SERINC1: variants seen among roughly 807,000 people sequenced by gnomAD.
SERINC1 encodes the protein tumor differentially expressed protein 2.
A neutral mutation model predicts 52.9 loss-of-function variants in SERINC1; 38 were observed. The observed-to-expected ratio is 0.72, with a 90% CI of 0.55 to 0.94. The LOEUF (loss-of-function observed/expected upper bound fraction) is 0.94, where lower values mean the gene tolerates loss of function less well. Ranked by LOEUF, SERINC1 falls within the 40% of genes least tolerant of loss-of-function variation. The pLI is 0.00. For missense variants in SERINC1, 471 were observed against 533.9 expected (o/e 0.88, Z 1.16); for synonymous variants, 198 against 183.1 (o/e 1.08, Z -0.66).
chr6:122,447,791 C>T (rs904289576), intron 7 of SERINC1, among the ~76,000 whole-genome samples: 7 of 152,166 alleles, frequency 4.6e-5, no homozygotes, highest in African/African-American at 1.7e-4. Context: ...GTATAATGAC[C>T]TACTGCTTAC....
At chr6:122,466,180 G>A (rs533323979) in intron 1 of SERINC1, among the ~76,000 whole-genome samples, 10 of 152,130 alleles carry the variant, frequency 6.6e-5, no homozygotes, top group Non-Finnish European at 1.3e-4. Flanking sequence ...CTTGGGAGGC[G>A]GAAGTTTCAG....
Position 122,458,570 on chromosome 6 carries a change from A to G in SERINC1, c.151T>C (p.Cys51Arg). ...GGTATCAACATTACACAAGCTACAC[A>G]TACTCCAACAAGCAAGAAAAGTGCA... ...IYALFLLVGV[C>R]VACVMLIPGM... The change falls in exon 2 of 10, where the codon TGT becomes CGT. Residue 51 changes from cysteine (C) to arginine (R), a missense_variant. Cys to Arg is a radical substitution (Grantham distance 180, BLOSUM62 -3). Coordinates refer to ENST00000339697, the MANE Select transcript of SERINC1 (RefSeq NM_020755.4). 1 of 1,613,486 alleles carries G rather than the reference A, an allele frequency of 6.2e-7. No homozygotes were observed. The highest frequency in any genetic ancestry group is 8.5e-7 in the Non-Finnish European group (1 of 1,179,492).
intron 1 of SERINC1, among the ~76,000 whole-genome samples, chr6:122,463,502 A>G (rs1444126063): frequency 6.6e-6 from 1 of 152,210 alleles, no homozygotes; most frequent in Non-Finnish European, 1.5e-5. Flanking sequence ...CTAAAAACTC[A>G]GTGATAAGAA....
At chr6:122,454,328 T>C in intron 3 of SERINC1, 98 bp from the exon 4 acceptor site, 2 of 658,322 alleles carry the variant, frequency 3.0e-6, no homozygotes, top group South Asian at 2.0e-5. Context: ...TAGCTACACT[T>C]TATGTGAATG....
rs750920534 is a variant in SERINC1, at chr6:122,451,758, C to CAA, written c.760-6_760-5dup. The CAA allele has an allele frequency of 4.4e-3, 388 of 87,894 alleles. No individual in the cohort carries two copies. Among genetic ancestry groups the CAA allele is most frequent in the East Asian group, 0.019 (71 of 3,648 alleles). The allele number at this position is 87,894 out of a possible 1,614,324, so 5.4% of individuals were successfully genotyped here. Reference sequence around the variant, plus strand: ...AACCAGATCTTGGTTGTGATTCCTACAAAAAAAAAAAAAAAAAAATATATA... The same window carrying CAA: ...AACCAGATCTTGGTTGTGATTCCTACAAAAAAAAAAAAAAAAAAAAATATATA... On this transcript the variant is annotated splice_region_variant and splice_polypyrimidine_tract_variant and intron_variant, in intron 6 of 9. Coordinates refer to ENST00000339697, the MANE Select transcript of SERINC1 (RefSeq NM_020755.4).
intron 7 of SERINC1, among the ~76,000 whole-genome samples, chr6:122,447,650 G>C (rs551792654): frequency 6.6e-6 from 1 of 152,102 alleles, no homozygotes; most frequent in Non-Finnish European, 1.5e-5. Context: ...TCTATCATAT[G>C]TTGAGATTAT....
intron 7 of SERINC1, 30 bp downstream of exon 7, chr6:122,451,634 T>G (rs764341837): frequency 1.2e-6 from 1 of 821,732 alleles, no homozygotes; most frequent in South Asian, 1.7e-5. Context: ...TGCAGAACCT[T>G]TAGGAACATG....
chr6:122,454,425 T>C (rs897242612), intron 3 of SERINC1, 195 bp from the exon 4 acceptor site: 11 of 508,356 alleles, frequency 2.2e-5, no homozygotes, highest in Admixed American at 1.3e-4. Flanking sequence ...TTAGATAACA[T>C]AGTTTGGAGA....
At chr6:122,464,912 T>A (rs977488662) in intron 1 of SERINC1, among the ~76,000 whole-genome samples, 1 of 152,074 alleles carries the variant, frequency 6.6e-6, no homozygotes, top group Non-Finnish European at 1.5e-5. Flanking sequence ...TATAAGATAA[T>A]GGCAACATAA....
intron 1 of SERINC1, among the ~76,000 whole-genome samples, chr6:122,464,388 A>C (rs2114489298): frequency 6.6e-6 from 1 of 152,340 alleles, no homozygotes; most frequent in South Asian, 2.1e-4. Flanking sequence ...AAAAGAGCAC[A>C]CTACTTTTTG....
intron 1 of SERINC1, among the ~76,000 whole-genome samples, chr6:122,469,282 C>CTTAAT (rs1356484950): frequency 5.3e-5 from 8 of 151,966 alleles, no homozygotes; most frequent in African/African-American, 1.9e-4. Context: ...GAAACTTGTA[C>CTTAAT]TAATTAAGAA....
chr6:122,460,797 A>G (rs1042328643), intron 1 of SERINC1, among the ~76,000 whole-genome samples: 4 of 152,220 alleles, frequency 2.6e-5, no homozygotes, highest in African/African-American at 9.6e-5. Flanking sequence ...TCATTTATAA[A>G]TAGGGCATTG....
In SERINC1 at chr6:122,446,923, A is replaced by G; in HGVS notation, c.1077T>C (p.Ala359=). 6.2e-7 allele frequency: 1 copy of G among 1,613,458 alleles called. No homozygotes were observed. Among genetic ancestry groups the G allele is most frequent in the Non-Finnish European group, 8.5e-7 (1 of 1,179,346 alleles). The change falls in exon 9 of 10, where the codon GCT becomes GCC. Residue 359 remains alanine, a synonymous_variant. Coordinates refer to ENST00000339697, the MANE Select transcript of SERINC1 (RefSeq NM_020755.4). ...CATCCTCCAGTGATCCATCACTTCT[A>G]GCTCCACCATCTTCTATTAATGTAG... ...DESTLIEDGG[A]RSDGSLEDGD... is the part of the protein sequence containing the mutation.
Position 122,446,917 on chromosome 6 carries a change from A to G in SERINC1, c.1083T>C (p.Ser361=), listed in dbSNP as rs1774815445. ...CGTCCCCATCCTCCAGTGATCCATC[A>G]CTTCTAGCTCCACCATCTTCTATTA... is the stretch of plus-strand genomic sequence containing the variant. ...STLIEDGGAR[S]DGSLEDGDDV... is the part of the protein sequence containing the mutation. Residue 361 remains serine (S), a synonymous_variant, in exon 9 of 10, where the codon AGT becomes AGC. Coordinates refer to ENST00000339697, the MANE Select transcript of SERINC1 (RefSeq NM_020755.4). 1 of 1,613,378 alleles carries G rather than the reference A, an allele frequency of 6.2e-7. No homozygotes were observed. The highest frequency in any genetic ancestry group is 1.3e-5 in the African/African-American group (1 of 74,910).
intron 1 of SERINC1, among the ~76,000 whole-genome samples, chr6:122,464,463 T>C (rs1028727733): frequency 6.6e-6 from 1 of 152,080 alleles, no homozygotes; most frequent in Non-Finnish European, 1.5e-5. Context: ...ATTTCTAAGA[T>C]AAACAAAAAC....
chr6:122,451,315 A>T (rs551302249), intron 7 of SERINC1, among the ~76,000 whole-genome samples: 3 of 152,176 alleles, frequency 2.0e-5, no homozygotes, highest in South Asian at 2.1e-4. Flanking sequence ...AGGAATGTAC[A>T]TTGTTTTTCT....
chr6:122,452,200 T>C (rs756338632), intron 5 of SERINC1, 143 bp from the exon 6 acceptor site: 167 of 511,182 alleles, frequency 3.3e-4, no homozygotes, highest in Non-Finnish European at 4.7e-4. Context: ...ATAAAGGCTA[T>C]AAAAGCAGGA....
intron 1 of SERINC1, among the ~76,000 whole-genome samples, chr6:122,469,620 G>GATCTC (rs963040696): frequency 3.9e-5 from 6 of 152,084 alleles, no homozygotes; most frequent in African/African-American, 1.4e-4. Context: ...GCAGTGGCAT[G>GATCTC]ATCTCAGCTC....
At chr6:122,456,682 T>C (rs1775002771) in intron 2 of SERINC1, 32 bp from the exon 3 acceptor site, 3 of 1,449,106 alleles carry the variant, frequency 2.1e-6, no homozygotes, top group Non-Finnish European at 2.8e-6. Flanking sequence ...TGATCCATCA[T>C]TTTTTTTCAT....
Sources: gnomAD v4.1 joint callset for allele counts (sites outside exome capture counted in the v4.1 genomes callset) on GRCh38, gnomAD v4.1.1 for gene constraint, MANE v1.5 for transcripts, NCBI Gene and HGNC (gene_info 2026-07-23, HGNC 2026-07-21) for gene names.